The following HECW1 variants were observed in gnomAD, a reference collection of about 807,000 sequenced individuals.
HECW1 encodes HECT, C2 and WW domain containing E3 ubiquitin protein ligase 1.
HECW1 carries 61 observed loss-of-function variants against 182.3 expected under a neutral mutation model. That is an observed-to-expected ratio of 0.33 (90% CI 0.27 to 0.41). The LOEUF is 0.41. Ranked by LOEUF, HECW1 falls within the 10% of genes least tolerant of loss-of-function variation. HECW1 has a pLI of 1.00. For synonymous variants in HECW1, 859 were observed against 832.6 expected (o/e 1.03, Z -0.55); for missense variants, 1,739 against 2,108.9 (o/e 0.82, Z 3.44).
At chr7:43,437,673 A>G (rs1009761382) in intron 8 of HECW1, among the ~76,000 whole-genome samples, 4 of 152,336 alleles carry the variant, frequency 2.6e-5, no homozygotes, top group African/African-American at 7.2e-5. Flanking sequence ...TTTCTTAATT[A>G]CAGGTGAGTT....
At chr7:43,384,400 T>G (rs890476269) in intron 6 of HECW1, among the ~76,000 whole-genome samples, 4 of 152,218 alleles carry the variant, frequency 2.6e-5, no homozygotes, top group African/African-American at 9.6e-5. Flanking sequence ...TGGCAGCTGC[T>G]GCAGGAAGAC....
chr7:43,228,352 T>C (rs1277300739), intron 2 of HECW1, among the ~76,000 whole-genome samples: 1 of 151,290 alleles, frequency 6.6e-6, no homozygotes, highest in Non-Finnish European at 1.5e-5. Context: ...CAGCTTGATA[T>C]TTTAGAATTC....
intron 2 of HECW1, among the ~76,000 whole-genome samples, chr7:43,222,095 C>T (rs764615260): frequency 1.3e-5 from 2 of 152,174 alleles, no homozygotes; most frequent in African/African-American, 4.8e-5. Context: ...TCTAGGCCAG[C>T]GTTCCTCAAC....
intron 5 of HECW1, among the ~76,000 whole-genome samples, chr7:43,356,151 C>T (rs1330982859): frequency 6.6e-6 from 1 of 151,964 alleles, no homozygotes; most frequent in African/African-American, 2.4e-5. Flanking sequence ...CTATATGCTG[C>T]CTATAAGAAA....
In HECW1 at chr7:43,564,285, T is replaced by C. The variant is rs2082280803; in HGVS notation, c.*2359T>C. ...AATTCAAGCACTCTCTTTCTAGTAC[T>C]CACATTATTTGTCAGGCATTGGAAA... On this transcript the variant is annotated 3_prime_UTR_variant, in exon 30 of 30. Transcript: ENST00000395891. 1 of 188,600 alleles carries C rather than the reference T, an allele frequency of 5.3e-6. No homozygotes were observed. 11.7% of individuals were successfully genotyped at this position (188,600 alleles called of 1,614,324 possible). A position where few individuals can be genotyped will look rare whatever the true frequency, so the allele number is the denominator to read the frequency against.
chr7:43,390,559 A>AAAAAAC (rs2074987947), intron 6 of HECW1, among the ~76,000 whole-genome samples: 1 of 151,528 alleles, frequency 6.6e-6, no homozygotes, highest in Non-Finnish European at 1.5e-5. Flanking sequence ...CAAAAAAAAA[A>AAAAAAC]CAGCAGAGTT....
chr7:43,532,546 C>T (rs956221699), intron 24 of HECW1, among the ~76,000 whole-genome samples: 8 of 152,124 alleles, frequency 5.3e-5, no homozygotes, highest in African/African-American at 1.7e-4. Flanking sequence ...CTGCCATTTC[C>T]CCCTTCTCTC....
intron 19 of HECW1, among the ~76,000 whole-genome samples, chr7:43,495,848 G>T (rs1021406843): frequency 6.6e-6 from 1 of 152,046 alleles, no homozygotes; most frequent in Admixed American, 6.6e-5. Flanking sequence ...TTATCTTAAG[G>T]GTTTTTGACG....
At chr7:43,440,841 C>A (rs2076864518) in intron 9 of HECW1, among the ~76,000 whole-genome samples, 1 of 151,368 alleles carries the variant, frequency 6.6e-6, no homozygotes, top group African/African-American at 2.4e-5. Flanking sequence ...TTCTGAGGAA[C>A]TCCAAACACT....
intron 2 of HECW1, among the ~76,000 whole-genome samples, chr7:43,216,715 C>T (rs1328846017): frequency 2.6e-5 from 4 of 151,642 alleles, no homozygotes; most frequent in South Asian, 2.1e-4. Context: ...AGTACAGTGA[C>T]GTGAACTCAG....
intron 3 of HECW1, among the ~76,000 whole-genome samples, chr7:43,268,525 G>A (rs531077127): frequency 5.9e-5 from 9 of 152,332 alleles, no homozygotes; most frequent in African/African-American, 1.2e-4. Flanking sequence ...GGCAGAGGCC[G>A]GGGATGCAGC....
At chr7:43,167,990 C>T (rs988582578) in intron 2 of HECW1, among the ~76,000 whole-genome samples, 10 of 152,204 alleles carry the variant, frequency 6.6e-5, no homozygotes, top group Admixed American at 5.9e-4. Flanking sequence ...ATACCCCTCA[C>T]CAACACCACA....
chr7:43,538,280 C>T (rs1351370360), intron 24 of HECW1, among the ~76,000 whole-genome samples: 1 of 152,182 alleles, frequency 6.6e-6, no homozygotes, highest in Admixed American at 6.5e-5. Flanking sequence ...GGCGATATCA[C>T]TCATGTCCCT....
chr7:43,479,844 C>G, intron 17 of HECW1, 100 bp downstream of exon 17: 1 of 1,442,016 alleles, frequency 6.9e-7, no homozygotes, highest in Non-Finnish European at 9.6e-7. Context: ...CTAGGGTTGC[C>G]TGCGCTGGAA....
intron 11 of HECW1, among the ~76,000 whole-genome samples, chr7:43,450,191 C>T (rs753010086): frequency 2.0e-5 from 3 of 152,030 alleles, no homozygotes; most frequent in Non-Finnish European, 4.4e-5. Flanking sequence ...TGTCTGATTT[C>T]TCCTCAAAAT....
chr7:43,557,958 C>G (rs1168176150), intron 29 of HECW1, among the ~76,000 whole-genome samples: 1 of 152,134 alleles, frequency 6.6e-6, no homozygotes, highest in East Asian at 1.9e-4. Flanking sequence ...ACATGAGATT[C>G]AAAGGAATGG....
chr7:43,277,193 C>T (rs562721742), intron 3 of HECW1, among the ~76,000 whole-genome samples: 1 of 152,316 alleles, frequency 6.6e-6, no homozygotes, highest in African/African-American at 2.4e-5. Context: ...CCTCTCCATC[C>T]TCCTACTCAG....
At chr7:43,270,022 C>T (rs1468736202) in intron 3 of HECW1, among the ~76,000 whole-genome samples, 1 of 152,222 alleles carries the variant, frequency 6.6e-6, no homozygotes, top group Non-Finnish European at 1.5e-5. Context: ...GGAATGTCCA[C>T]ATTAGCATTG....
chr7:43,480,643 A>ATGTG (rs111776916), intron 17 of HECW1, among the ~76,000 whole-genome samples: 7 of 146,762 alleles, frequency 4.8e-5, no homozygotes, highest in South Asian at 4.2e-4. Flanking sequence ...GTGTGTACAT[A>ATGTG]TGTGTGTGTG....
Sources: gnomAD v4.1 joint callset for allele counts (sites outside exome capture counted in the v4.1 genomes callset) on GRCh38, gnomAD v4.1.1 for gene constraint, MANE v1.5 for transcripts, NCBI Gene and HGNC (gene_info 2026-07-23, HGNC 2026-07-21) for gene names.